Variants in EDARADD observed in about 807,000 individuals in gnomAD.
EDARADD encodes the protein EDAR associated via death domain, also known as ectodysplasin-A receptor-associated adapter protein.
In EDARADD, 20 loss-of-function variants were observed where a neutral mutation model predicts 25.6. The observed-to-expected ratio is 0.78, with a 90% confidence interval of 0.55 to 1.14. The LOEUF (loss-of-function observed/expected upper bound fraction) is 1.14. EDARADD is among the 50% of genes most tolerant of loss of function. The pLI is 0.00. For missense variants in EDARADD, 225 were observed against 270.1 expected, an observed-to-expected ratio of 0.83 and a Z score of 1.17; for synonymous variants, 86 against 94.4, an observed-to-expected ratio of 0.91 and a Z score of 0.52.
At position 236,398,692 on chromosome 1, in the gene EDARADD, C is replaced by T. The variant is rs1398236015; in HGVS notation, c.61+4187C>T. Among the ~76,000 whole-genome samples, 1 of 152,172 alleles carries T rather than the reference C, an allele frequency of 6.6e-6. No individual in the cohort carries two copies. The highest frequency in any genetic ancestry group is 1.5e-5 in the Non-Finnish European group (1 of 68,030). On this transcript the variant is annotated intron_variant, in intron 1 of 5. Coordinates refer to ENST00000334232, the MANE Select transcript of EDARADD (RefSeq NM_145861.4). The surrounding 1 kb of genome is among the most constrained non-coding windows in gnomAD (Gnocchi z 4.1). ...AAGGACCCCTGCATTCCAGCCCTCA[C>T]CCCATCCTCCACCCACCCGTTTCCT...
At chr1:236,461,222 A>G (rs1037820754) in intron 4 of EDARADD, among the ~76,000 whole-genome samples, 1 of 152,024 alleles carries the variant, frequency 6.6e-6, no homozygotes, top group East Asian at 1.9e-4. Flanking sequence ...GTACTGAAAT[A>G]TTTTCTGCAA....
intron 1 of EDARADD, among the ~76,000 whole-genome samples, chr1:236,402,386 C>T (rs1264994151): frequency 6.6e-6 from 1 of 151,956 alleles, no homozygotes; most frequent in Non-Finnish European, 1.5e-5. Context: ...AGTGAGACCC[C>T]CATCTCTACA....
rs754246301 is a variant in EDARADD at position 236,427,378 on chromosome 1, T to TC, written c.161-14_161-13insC. 2.6e-5 allele frequency: 41 copies of TC among 1,606,288 alleles called. No individual in the cohort carries two copies. Among genetic ancestry groups the TC allele is most frequent in the African/African-American group, 2.4e-4 (18 of 74,658 alleles). On this transcript the variant is annotated splice_polypyrimidine_tract_variant and intron_variant, in intron 3 of 5. Transcript: ENST00000334232. Reference sequence around the variant, plus strand: ...CACTTTGTTTCTTTCTTTCTTTCTTTTTTTTTTTCCTAGCTGAAGAATGTG... The same window carrying TC: ...CACTTTGTTTCTTTCTTTCTTTCTTTCTTTTTTTTCCTAGCTGAAGAATGTG...
chr1:236,386,600 CCG>C (rs1667354285), intron 3 of EDARADD, among the ~76,000 whole-genome samples: 1 of 15,764 alleles, frequency 6.3e-5, no homozygotes. Flanking sequence ...CTCTGCCCGG[CCG>C]AGACCCCGTC....
intron 4 of EDARADD, among the ~76,000 whole-genome samples, chr1:236,447,230 T>C (rs1409844940): frequency 7.9e-6 from 1 of 126,466 alleles, no homozygotes; most frequent in African/African-American, 3.8e-5. Flanking sequence ...CTTTCCTTTC[T>C]TTCCTTTCTT....
chr1:236,467,123 A>G (rs931566773), intron 4 of EDARADD, among the ~76,000 whole-genome samples: 1 of 151,910 alleles, frequency 6.6e-6, no homozygotes, highest in African/African-American at 2.4e-5. Flanking sequence ...GAGTTAGCAC[A>G]TCTTTACAGG....
At chr1:236,373,082 A>AT (rs1458132936) in intron 3 of EDARADD, among the ~76,000 whole-genome samples, 19 of 150,384 alleles carry the variant, frequency 1.3e-4, no homozygotes, top group Middle Eastern at 3.2e-3. Context: ...CGCCTGGCTA[A>AT]TTTTTTGTAT....
chr1:236,441,609 C>T (rs1386067257), intron 4 of EDARADD, among the ~76,000 whole-genome samples: 1 of 151,152 alleles, frequency 6.6e-6, no homozygotes, highest in Non-Finnish European at 1.5e-5. Flanking sequence ...CTGCAACCTC[C>T]ACCTCCTGGG....
chr1:236,418,352 C>T (rs1026488486), intron 3 of EDARADD, among the ~76,000 whole-genome samples: 2 of 152,022 alleles, frequency 1.3e-5, no homozygotes, highest in African/African-American at 4.8e-5. Flanking sequence ...TCAAGCAATT[C>T]TCTCACTTCA....
intron 5 of EDARADD, among the ~76,000 whole-genome samples, chr1:236,478,701 C>T (rs575250305): frequency 9.9e-5 from 15 of 152,276 alleles, no homozygotes; most frequent in South Asian, 6.2e-4. Context: ...ATTCTCCTGC[C>T]TCAGCCTCCT....
At chr1:236,409,382 C>T (rs1657359718) in intron 2 of EDARADD, 108 bp downstream of exon 2, 3 of 844,776 alleles carry the variant, frequency 3.6e-6, no homozygotes, top group Non-Finnish European at 5.8e-6. Flanking sequence ...TCAGAAACCC[C>T]AAAGTAAGAT....
At chr1:236,441,597 C>T (rs947416924) in intron 4 of EDARADD, among the ~76,000 whole-genome samples, 1 of 150,874 alleles carries the variant, frequency 6.6e-6, no homozygotes, top group East Asian at 1.9e-4. Flanking sequence ...GATCTCCGCT[C>T]ACTGCAACCT....
At chr1:236,393,223 A>G (rs943325397), upstream of EDARADD, among the ~76,000 whole-genome samples, 6 of 152,144 alleles carry the variant, frequency 3.9e-5, no homozygotes, top group African/African-American at 1.4e-4. Context: ...ATTTGACTCC[A>G]TGATTACCAA....
chr1:236,417,265 G>A (rs1246153634), intron 3 of EDARADD, among the ~76,000 whole-genome samples: 1 of 152,228 alleles, frequency 6.6e-6, no homozygotes, highest in Non-Finnish European at 1.5e-5. Context: ...GTTTAAGTGA[G>A]TTTTAAGGAG....
rs1659729241 is a variant in EDARADD, at chr1:236,483,205, C to T, written c.*556C>T. 6.3e-7 allele frequency: 1 copy of T among 1,581,288 alleles called. No homozygotes were observed. Among genetic ancestry groups the T allele is most frequent in the African/African-American group, 1.3e-5 (1 of 74,182 alleles). Reference sequence around the variant, plus strand: ...ATCCATGCCAGGGAGCTCTTTGACTCTCGTGGGAATCCCACTGTTGAGGTT... The same window carrying T: ...ATCCATGCCAGGGAGCTCTTTGACTTTCGTGGGAATCCCACTGTTGAGGTT... On this transcript the variant is annotated 3_prime_UTR_variant, in exon 6 of 6. Transcript: ENST00000334232.
intron 4 of EDARADD, among the ~76,000 whole-genome samples, chr1:236,430,074 C>T (rs758240615): frequency 6.6e-6 from 1 of 152,160 alleles, no homozygotes; most frequent in Non-Finnish European, 1.5e-5. Flanking sequence ...AGAAGTTACA[C>T]AATAGTTGAT....
chr1:236,433,183 G>T (rs1387951558), intron 4 of EDARADD, among the ~76,000 whole-genome samples: 1 of 151,846 alleles, frequency 6.6e-6, no homozygotes, highest in South Asian at 2.1e-4. Flanking sequence ...AAGGCGCATC[G>T]CCCATTCCAC....
chr1:236,450,466 G>T (rs1571942524), intron 4 of EDARADD, among the ~76,000 whole-genome samples: 2 of 151,838 alleles, frequency 1.3e-5, no homozygotes, highest in Admixed American at 1.3e-4. Flanking sequence ...GAGTTAATTT[G>T]ATGTGATCAA....
At chr1:236,412,905 G>A (rs941955758) in intron 2 of EDARADD, among the ~76,000 whole-genome samples, 2 of 152,128 alleles carry the variant, frequency 1.3e-5, no homozygotes, top group Non-Finnish European at 2.9e-5. Flanking sequence ...CTCTTGCTCC[G>A]TTGCTCAGGC....
Sources: allele counts gnomAD v4.1 joint callset (sites outside exome capture counted in the v4.1 genomes callset), GRCh38; gene constraint gnomAD v4.1.1; non-coding constraint Gnocchi (gnomAD v3.1); transcripts MANE v1.5; gene names NCBI Gene and HGNC (gene_info 2026-07-23, HGNC 2026-07-21).